LPL: variants seen among roughly 807,000 people sequenced by gnomAD.
The protein encoded by LPL is phospholipase A1.
LPL carries 43 observed loss-of-function variants against 52.2 expected under a neutral mutation model. The observed-to-expected ratio is 0.82, with a 90% CI of 0.64 to 1.06. The LOEUF (loss-of-function observed/expected upper bound fraction) is 1.06, where lower values mean the gene tolerates loss of function less well. Ranked by LOEUF, LPL falls within the 50% of genes least tolerant of loss-of-function variation. The pLI, the probability that LPL is intolerant of heterozygous loss-of-function variation, is 0.00. For synonymous variants in LPL, 244 were observed against 215.6 expected (o/e 1.13, Z -1.15); for missense variants, 639 against 585.3 (o/e 1.09, Z -0.95).
At chr8:19,948,069 G>C in intron 1 of LPL, 111 bp from the exon 2 acceptor site, 1 of 1,206,170 alleles carries the variant, frequency 8.3e-7, no homozygotes, top group Non-Finnish European at 1.2e-6. Context: ...AAACACTTCA[G>C]AAACAAAAAT....
At chr8:19,960,631 T>C (rs1209599237) in intron 7 of LPL, among the ~76,000 whole-genome samples, 2 of 152,156 alleles carry the variant, frequency 1.3e-5, no homozygotes, top group East Asian at 1.9e-4. Context: ...AAAATGAAAA[T>C]TATATTTCTG....
At position 19,951,968 on chromosome 8, in the gene LPL, A is replaced by C. The variant is rs3735959; in HGVS notation, c.429+20A>C. The stretch of plus-strand genomic sequence containing the variant: ...ATGGAGGTAAGACTGGGAGAAGGAG[A>C]CTTATGTGTCCAAAACAGTGTTTTT... On this transcript the variant is annotated intron_variant, in intron 3 of 9. Transcript: ENST00000650287. 1.4e-3 allele frequency: 2,193 copies of C among 1,613,906 alleles called. 50 individuals are homozygous for C. In the East Asian group the frequency reaches 0.041, roughly 30 times the overall value.
intron 9 of LPL, among the ~76,000 whole-genome samples, chr8:19,964,805 C>T (rs2070071320): frequency 6.6e-6 from 1 of 152,178 alleles, no homozygotes; most frequent in Admixed American, 6.5e-5. Flanking sequence ...GCTGGGATTA[C>T]AGGCATGAGC....
chr8:19,964,572 C>G (rs1269885941), intron 9 of LPL, among the ~76,000 whole-genome samples: 1 of 152,048 alleles, frequency 6.6e-6, no homozygotes, highest in African/African-American at 2.4e-5. Flanking sequence ...TTCTGTTGCC[C>G]AGGCTAGAAT....
At chr8:19,960,296 T>C (rs1365010392) in intron 7 of LPL, among the ~76,000 whole-genome samples, 1 of 152,140 alleles carries the variant, frequency 6.6e-6, no homozygotes, top group Non-Finnish European at 1.5e-5. Flanking sequence ...TATTATTACA[T>C]AGAAGGGAGT....
rs945998692 is a variant in LPL, at chr8:19,939,773, G to C, written c.88+245G>C. On this transcript the variant is annotated intron_variant, in intron 1 of 9. Transcript: ENST00000650287. The surrounding 1 kb of genome is among the most constrained non-coding windows in gnomAD (Gnocchi z 4.0). ...CTTTTTCTCTCTGCCGGGTTCCCGC[G>C]CTATCCCTTCCACTCTGGCTGGGAC... 6.6e-6 allele frequency among the ~76,000 whole-genome samples: 1 copy of C among 152,220 alleles called. No homozygotes were observed.
intron 6 of LPL, 89 bp from the exon 7 acceptor site, chr8:19,959,171 T>C (rs969620783): frequency 7.1e-6 from 11 of 1,541,770 alleles, no homozygotes; most frequent in Admixed American, 5.1e-5. Context: ...GCTAGTGAGA[T>C]ACTTCTGTGG....
At position 19,944,122 on chromosome 8, in the gene LPL, G is replaced by T. The variant is rs1265655506; in HGVS notation, c.89-4058G>T. Among the ~76,000 whole-genome samples, 1 of 152,108 alleles carries T rather than the reference G, an allele frequency of 6.6e-6. No individual in the cohort carries two copies. The highest frequency in any genetic ancestry group is 2.4e-5 in the African/African-American group (1 of 41,408). On this transcript the variant is annotated intron_variant, in intron 1 of 9. Coordinates refer to ENST00000650287, the MANE Select transcript of LPL (RefSeq NM_000237.3). The surrounding 1 kb of genome is among the most constrained non-coding windows in gnomAD (Gnocchi z 4.2). ...AATGGCTTGAACCCAGGAGGCATAG[G>T]TTGCAGTGAGTCACGATCGTGCCAC...
At chr8:19,941,830 T>C (rs900799359) in intron 1 of LPL, among the ~76,000 whole-genome samples, 13 of 152,212 alleles carry the variant, frequency 8.5e-5, no homozygotes, top group Non-Finnish European at 1.8e-4. Context: ...TTCTGGATTC[T>C]TTCTAACAAG....
chr8:19,958,549 A>G (rs750029403), intron 6 of LPL, among the ~76,000 whole-genome samples: 2 of 149,966 alleles, frequency 1.3e-5, no homozygotes, highest in Admixed American at 6.7e-5. Context: ...TGATGGCTCA[A>G]TGAAATAAGT....
At chr8:19,943,012 G>A (rs1394663916) in intron 1 of LPL, among the ~76,000 whole-genome samples, 3 of 152,092 alleles carry the variant, frequency 2.0e-5, no homozygotes, top group Non-Finnish European at 4.4e-5. Context: ...ATGAATAAAC[G>A]AAAACGTCTC....
chr8:19,966,552 T>C lies in LPL; in HGVS notation c.*1242T>C, dbSNP rs1355794392. 6.6e-6 allele frequency: 1 copy of C among 152,182 alleles called. No individual in the cohort carries two copies. The highest frequency in any genetic ancestry group is 1.5e-5 in the Non-Finnish European group (1 of 68,046). 9.4% of individuals were successfully genotyped at this position (152,182 alleles called of 1,614,324 possible). A position where few individuals can be genotyped will look rare whatever the true frequency, so the allele number is the denominator to read the frequency against. ...TGCTCTTCTACGTATAAATATGAAATGATAAAGATGTCAAATATCTCAGAG... is the reference window on the plus strand; with the variant it reads ...TGCTCTTCTACGTATAAATATGAAACGATAAAGATGTCAAATATCTCAGAG... On this transcript the variant is annotated 3_prime_UTR_variant, in exon 10 of 10. Transcript: ENST00000650287.
chr8:19,953,427 A>C lies in LPL; in HGVS notation c.541+6A>C. The C allele has an allele frequency of 6.2e-7, 1 of 1,604,674 alleles. No homozygotes were observed. The highest frequency in any genetic ancestry group is 8.5e-7 in the Non-Finnish European group (1 of 1,171,570). Reference sequence around the variant, plus strand: ...GAAAGTCAACAGAATTACTGGTAAGAAAGCAATTTCGTTGGTCTTATCATA... The same window carrying C: ...GAAAGTCAACAGAATTACTGGTAAGCAAGCAATTTCGTTGGTCTTATCATA... On this transcript the variant is annotated splice_donor_region_variant and intron_variant, in intron 4 of 9. Coordinates refer to ENST00000650287, the MANE Select transcript of LPL (RefSeq NM_000237.3).
rs1213490278 is a variant in LPL at position 19,951,808 on chromosome 8, G to A, written c.289G>A (p.Ala97Thr). 7 of 1,614,052 alleles carry A rather than the reference G, an allele frequency of 4.3e-6. No homozygotes were observed. Among genetic ancestry groups the A allele is most frequent in the Non-Finnish European group, 5.9e-6 (7 of 1,180,046 alleles). ...TGAGAGTTGGGTGCCAAAACTTGTG[G>A]CCGCCCTGTACAAGAGAGAACCAGA... ...MYESWVPKLVAALYKREPDSN... is the reference protein window; with the variant it reads ...MYESWVPKLVTALYKREPDSN... The change falls in exon 3 of 10, where the codon GCC becomes ACC. Residue 97 changes from alanine (A) to threonine (T), a missense_variant. Ala to Thr is a moderately conservative substitution (Grantham distance 58, BLOSUM62 0). Coordinates refer to ENST00000650287, the MANE Select transcript of LPL (RefSeq NM_000237.3).
Position 19,963,064 on chromosome 8 carries a change from G to A in LPL, c.1427+845G>A, listed in dbSNP as rs1273167448. 5.3e-5 allele frequency among the ~76,000 whole-genome samples: 8 copies of A among 152,306 alleles called. No individual in the cohort carries two copies. The East Asian group carries it at 1.3e-3, about 26-fold the overall frequency. On this transcript the variant is annotated intron_variant, in intron 9 of 9. Transcript: ENST00000650287. ...CAAGCCAGTGACACAAGAAATGAAGGGAAAGGCTAGACACAGTGTCATCTG... is the reference window on the plus strand; with the variant it reads ...CAAGCCAGTGACACAAGAAATGAAGAGAAAGGCTAGACACAGTGTCATCTG...
At chr8:19,954,431 T>G (rs2069965157) in intron 5 of LPL, 78 bp downstream of exon 5, 1 of 1,382,724 alleles carries the variant, frequency 7.2e-7, no homozygotes, top group Non-Finnish European at 1.0e-6. Context: ...CTCAGTAGCT[T>G]CAAAGTATGT....
intron 1 of LPL, among the ~76,000 whole-genome samples, chr8:19,945,370 T>G (rs1042666229): frequency 2.6e-5 from 4 of 152,246 alleles, no homozygotes; most frequent in Middle Eastern, 3.4e-3. Flanking sequence ...AAAGGAAAGT[T>G]TGACTAAGTG....
chr8:19,951,488 A>C (rs1000160107), intron 2 of LPL, among the ~76,000 whole-genome samples: 4 of 152,124 alleles, frequency 2.6e-5, no homozygotes, highest in Non-Finnish European at 5.9e-5. Context: ...AAATGATCAA[A>C]ATTTTATTGA....
chr8:19,960,831 G>C (rs917169464), intron 7 of LPL, 70 bp from the exon 8 acceptor site: 20 of 1,102,104 alleles, frequency 1.8e-5, no homozygotes, highest in Non-Finnish European at 2.5e-5. Context: ...ATTTGGAGAG[G>C]AGAAAAAAAA....
Sources: gnomAD v4.1 joint callset for allele counts (sites outside exome capture counted in the v4.1 genomes callset) on GRCh38, gnomAD v4.1.1 for gene constraint, Gnocchi (gnomAD v3.1) non-coding constraint, MANE v1.5 for transcripts, NCBI Gene and HGNC (gene_info 2026-07-23, HGNC 2026-07-21) for gene names.